Variants in SPTAN1 observed in about 807,000 individuals in gnomAD.
The protein encoded by SPTAN1 is spectrin alpha, non-erythrocytic 1.
Under a neutral mutation model 331.3 loss-of-function variants are expected in SPTAN1, and 61 were observed. That is an observed-to-expected ratio of 0.18 (90% CI 0.15 to 0.23). SPTAN1 has a LOEUF of 0.23. Ranked by LOEUF, SPTAN1 falls within the 10% of genes least tolerant of loss-of-function variation. The pLI is 1.00. For synonymous variants in SPTAN1, 1,153 were observed against 1,173.9 expected (o/e 0.98, Z 0.36); for missense variants, 2,043 against 3,147.9 (o/e 0.65, Z 8.40).
chr9:128,578,563 G>T (rs2131037010), intron 9 of SPTAN1, among the ~76,000 whole-genome samples: 1 of 152,262 alleles, frequency 6.6e-6, no homozygotes, highest in Middle Eastern at 3.4e-3. Flanking sequence ...AGGCACGGTG[G>T]CTTATGTCTG....
intron 23 of SPTAN1, 194 bp from the exon 24 acceptor site, chr9:128,593,981 C>T (rs2131356998): frequency 1.6e-6 from 1 of 644,242 alleles, no homozygotes. Flanking sequence ...ACAGTGTGCG[C>T]ATATCTCTCA....
At position 128,633,655 on chromosome 9, in the gene SPTAN1, CCCCCAAA is replaced by C. The variant is rs1478803504; in HGVS notation, c.*322_*328del. 2.1e-6 allele frequency: 3 copies of C among 1,424,048 alleles called. No homozygotes were observed. The African/African-American group carries it at 4.3e-5, about 20-fold the overall frequency. 88.2% of individuals were successfully genotyped at this position (1,424,048 alleles called of 1,614,324 possible). A position where few individuals can be genotyped will look rare whatever the true frequency, so the allele number is the denominator to read the frequency against. On this transcript the variant is annotated 3_prime_UTR_variant, in exon 57 of 57. Coordinates refer to ENST00000372739, the MANE Select transcript of SPTAN1 (RefSeq NM_001130438.3). ...GTAAAAGACAAATAAATGATGACTT[CCCCCAAA>C]GCTTTGCTTTTCTTCATTTGGCTTG...
In SPTAN1 at chr9:128,570,354, T is replaced by G. The variant is rs1281496901; in HGVS notation, c.363+1457T>G. Among the ~76,000 whole-genome samples, 7 of 101,226 alleles carry G rather than the reference T, an allele frequency of 6.9e-5. No individual in the cohort carries two copies. The East Asian group carries it at 2.1e-3, about 31-fold the overall frequency. 66.4% of individuals were successfully genotyped at this position (101,226 alleles called of 152,430 possible). A position where few individuals can be genotyped will look rare whatever the true frequency, so the allele number is the denominator to read the frequency against. Reference sequence around the variant, plus strand: ...TATTTTTTTTTTTTTTTTTTTTTTTTGAGACGAAGTTTTGCTCTTGTTGCC... The same window carrying G: ...TATTTTTTTTTTTTTTTTTTTTTTTGGAGACGAAGTTTTGCTCTTGTTGCC... On this transcript the variant is annotated intron_variant, in intron 3 of 56. Coordinates refer to ENST00000372739, the MANE Select transcript of SPTAN1 (RefSeq NM_001130438.3).
rs1415554381 is a variant in SPTAN1 at position 128,625,955 on chromosome 9, G to A, written c.6256G>A (p.Glu2086Lys). 6.2e-7 allele frequency: 1 copy of A among 1,614,016 alleles called. No individual in the cohort carries two copies. The highest frequency in any genetic ancestry group is 8.5e-7 in the Non-Finnish European group (1 of 1,180,018). ...NSAARKKKLL[E>K]AQSHFRKVED... ...AGCCGCCCGCAAGAAGAAGCTTCTGGAGGCTCAGAGTCACTTCCGCAAGGT... is the reference window on the plus strand; with the variant it reads ...AGCCGCCCGCAAGAAGAAGCTTCTGAAGGCTCAGAGTCACTTCCGCAAGGT... The change falls in exon 48 of 57, where the codon GAG becomes AAG. Residue 2086 changes from glutamate to lysine, a missense_variant. This residue lies in a region of SPTAN1 where 256 missense variants were observed against 376.4 expected (regional missense o/e 0.68). Coordinates refer to ENST00000372739, the MANE Select transcript of SPTAN1 (RefSeq NM_001130438.3). This position sits in a 1 kb window ranked among gnomAD's most constrained non-coding sequence, Gnocchi z 4.1.
Position 128,619,942 on chromosome 9 carries a change from C to T in SPTAN1, c.5733+939C>T, listed in dbSNP as rs749376164. 3.2e-4 allele frequency among the ~76,000 whole-genome samples: 48 copies of T among 152,214 alleles called. 1 individual carries two copies. The highest frequency in any genetic ancestry group is 3.1e-3 in the Admixed American group (47 of 15,290). Reference sequence around the variant, plus strand: ...CAGAGCGTGGCTGGGCTGAGAGATCCATCACACACTGGCAGCTGAGCCTGA... The same window carrying T: ...CAGAGCGTGGCTGGGCTGAGAGATCTATCACACACTGGCAGCTGAGCCTGA... On this transcript the variant is annotated intron_variant, in intron 44 of 56. Coordinates refer to ENST00000372739, the MANE Select transcript of SPTAN1 (RefSeq NM_001130438.3).
chr9:128,583,000 A>G (rs764415592), intron 14 of SPTAN1, 77 bp from the exon 15 acceptor site: 4 of 1,582,182 alleles, frequency 2.5e-6, no homozygotes, highest in Middle Eastern at 2.0e-4. Flanking sequence ...CTCCATAAAG[A>G]TAAGTATGAA....
chr9:128,603,977 G>A lies in SPTAN1; in HGVS notation c.3628-349G>A, dbSNP rs80154358. Among the ~76,000 whole-genome samples the A allele has an allele frequency of 3.8e-3, 583 of 152,350 alleles. 6 individuals carry two copies. Among genetic ancestry groups the A allele is most frequent in the African/African-American group, 0.013 (561 of 41,576 alleles). On this transcript the variant is annotated intron_variant, in intron 28 of 56. Transcript: ENST00000372739. ...TCTGCTGATTGGGTGTTGGGAGGCA[G>A]CAGACTCGCTGGGATTTCTCCACGC...
rs530895735 is a variant in SPTAN1, at chr9:128,633,401, T to C, written c.*67T>C. The stretch of plus-strand genomic sequence containing the variant: ...TCGCCTTGCTGCATGTCCGCTCCTC[T>C]GTGTGCTCTCACTTTCCACTGTAAC... On this transcript the variant is annotated 3_prime_UTR_variant, in exon 57 of 57. Transcript: ENST00000372739. 4 of 1,609,416 alleles carry C rather than the reference T, an allele frequency of 2.5e-6. No homozygotes were observed. The highest frequency in any genetic ancestry group is 1.1e-5 in the South Asian group (1 of 91,016).
chr9:128,584,261 T>A, intron 16 of SPTAN1, 21 bp from the exon 17 acceptor site: 1 of 1,614,158 alleles, frequency 6.2e-7, no homozygotes, highest in Non-Finnish European at 8.5e-7. Flanking sequence ...TAAAGTCTGC[T>A]CTGTCCTTTT....
intron 18 of SPTAN1, 114 bp downstream of exon 18, chr9:128,584,957 C>T (rs979492712): frequency 2.4e-6 from 3 of 1,226,222 alleles, no homozygotes; most frequent in Admixed American, 1.8e-5. Flanking sequence ...GAATACCATC[C>T]CCATTCTTTC....
chr9:128,606,112 C>G (rs1431693095), intron 31 of SPTAN1, among the ~76,000 whole-genome samples: 1 of 151,992 alleles, frequency 6.6e-6, no homozygotes, highest in Non-Finnish European at 1.5e-5. Context: ...TGGCTCACGC[C>G]TGTAATCCCA....
At chr9:128,626,244 G>A (rs1858716138) in intron 48 of SPTAN1, 147 bp from the exon 49 acceptor site, 1 of 1,090,020 alleles carries the variant, frequency 9.2e-7, no homozygotes, top group Non-Finnish European at 1.4e-6. Flanking sequence ...TGAAGGGGGA[G>A]CAGGAGACAG....
chr9:128,574,984 C>T (rs1011299414), intron 4 of SPTAN1, among the ~76,000 whole-genome samples, 169 bp downstream of exon 4: 6 of 145,126 alleles, frequency 4.1e-5, no homozygotes, highest in Non-Finnish European at 7.9e-5. Context: ...ATGTGCTATT[C>T]TGTAACTCTG....
At position 128,575,371 on chromosome 9, in the gene SPTAN1, C is replaced by T. The variant is rs758152378; in HGVS notation, c.651+26C>T. The stretch of plus-strand genomic sequence containing the variant: ...GTAAATAGCAAAGTGCTGTATGCTT[C>T]TCACAACATTATTATGTTAACTTTT... On this transcript the variant is annotated intron_variant, in intron 5 of 56. Coordinates refer to ENST00000372739, the MANE Select transcript of SPTAN1 (RefSeq NM_001130438.3). The T allele has an allele frequency of 8.1e-6, 13 of 1,606,504 alleles. No homozygotes were observed. The Admixed American group carries it at 2.2e-4, about 27-fold the overall frequency.
chr9:128,568,826 G>T lies in SPTAN1; in HGVS notation c.292G>T (p.Ala98Ser). 6.2e-7 allele frequency: 1 copy of T among 1,614,164 alleles called. No homozygotes were observed. ...AGCTGAAGTGCAGGCCAACTCAGGA[G>T]CCATTGTTAAGCTGGATGAAACTGG... Reference protein sequence around the residue: ...FEAEVQANSGAIVKLDETGNL... With the variant: ...FEAEVQANSGSIVKLDETGNL... The change falls in exon 3 of 57, where the codon GCC becomes TCC. Residue 98 changes from alanine (A) to serine (S), a missense_variant. By Grantham distance (99) the Ala-to-Ser change is moderately conservative. This residue lies in a region of SPTAN1 where 1,038 missense variants were observed against 1,531.5 expected (regional missense o/e 0.68). Coordinates refer to ENST00000372739, the MANE Select transcript of SPTAN1 (RefSeq NM_001130438.3).
rs768169689 is a variant in SPTAN1 at position 128,607,586 on chromosome 9, T to C, written c.4047-18T>C. The C allele has an allele frequency of 1.2e-6, 2 of 1,605,378 alleles. No homozygotes were observed. The highest frequency in any genetic ancestry group is 2.2e-5 in the South Asian group (2 of 90,880). ...CCAGGTAATATAATAGCTATTTTTCTGGGGTGCTGGTTTCCAGGGACCTCA... is the reference window on the plus strand; with the variant it reads ...CCAGGTAATATAATAGCTATTTTTCCGGGGTGCTGGTTTCCAGGGACCTCA... On this transcript the variant is annotated intron_variant, in intron 31 of 56. Coordinates refer to ENST00000372739, the MANE Select transcript of SPTAN1 (RefSeq NM_001130438.3).
chr9:128,598,035 G>GC (rs1294088134), intron 24 of SPTAN1, among the ~76,000 whole-genome samples: 2 of 150,360 alleles, frequency 1.3e-5, no homozygotes, highest in African/African-American at 2.4e-5. Flanking sequence ...CGCAACCTCT[G>GC]CCTACCGGGT....
intron 46 of SPTAN1, chr9:128,624,796 C>T (rs1163213207): frequency 3.5e-6 from 2 of 566,524 alleles, no homozygotes; most frequent in East Asian, 6.2e-5. Flanking sequence ...CACTAGCTGC[C>T]CTGGTCAGGG....
chr9:128,626,315 C>T (rs1858729379), intron 48 of SPTAN1, 76 bp from the exon 49 acceptor site: 5 of 1,567,972 alleles, frequency 3.2e-6, no homozygotes, highest in Non-Finnish European at 4.4e-6. Context: ...AGGAACCACC[C>T]CGCACCCCAC....
Sources: gnomAD v4.1 joint callset for allele counts (sites outside exome capture counted in the v4.1 genomes callset) on GRCh38, gnomAD v4.1.1 for gene constraint, gnomAD v4.1.1 regional missense constraint, Gnocchi (gnomAD v3.1) non-coding constraint, MANE v1.5 for transcripts, NCBI Gene and HGNC (gene_info 2026-07-23, HGNC 2026-07-21) for gene names.